ZSWIM5: variants seen among roughly 807,000 people sequenced by gnomAD.
The protein encoded by ZSWIM5 is zinc finger SWIM-type containing 5, also known as zinc finger SWIM domain-containing protein 5.
ZSWIM5 carries 55 observed loss-of-function variants against 119.6 expected under a neutral mutation model. The ratio of observed to expected loss-of-function variants is 0.46; its 90% CI spans 0.37 to 0.58. The LOEUF is 0.58. Ranked by LOEUF, ZSWIM5 falls within the 20% of genes least tolerant of loss-of-function variation. ZSWIM5 has a pLI of 0.00. For synonymous variants in ZSWIM5, 537 were observed against 606.9 expected (o/e 0.88, Z 1.69); for missense variants, 1,193 against 1,512.8 (o/e 0.79, Z 3.51).
intron 1 of ZSWIM5, among the ~76,000 whole-genome samples, chr1:45,113,202 C>A (rs571626638): frequency 6.6e-6 from 1 of 152,166 alleles, no homozygotes; most frequent in East Asian, 1.9e-4. Flanking sequence ...ATCACCAGCA[C>A]TGTAATGTGG....
chr1:45,196,114 G>A (rs1198419271), intron 1 of ZSWIM5, among the ~76,000 whole-genome samples: 1 of 145,814 alleles, frequency 6.9e-6, no homozygotes, highest in African/African-American at 2.5e-5. Flanking sequence ...GGGCTCAAGT[G>A]ATCCTCCTGT....
chr1:45,035,873 C>A (rs537079715), intron 9 of ZSWIM5, 50 bp from the exon 10 acceptor site: 1 of 1,602,984 alleles, frequency 6.2e-7, no homozygotes, highest in East Asian at 2.2e-5. Context: ...TTCCATCTGC[C>A]AGCCTGGACT....
intron 1 of ZSWIM5, 131 bp downstream of exon 1, chr1:45,205,625 C>A: frequency 1.0e-6 from 1 of 999,036 alleles, no homozygotes; most frequent in South Asian, 2.0e-5. Context: ...GTTTTTGTGA[C>A]TTGTTCGTCC....
In ZSWIM5 at chr1:45,034,256, C is replaced by T. The variant is rs200574762; in HGVS notation, c.2449+56G>A. 3.8e-4 allele frequency: 573 copies of T among 1,519,192 alleles called. 4 individuals are homozygous for T. The highest frequency in any genetic ancestry group is 3.1e-3 in the Middle Eastern group (13 of 4,128). 94.1% of individuals were successfully genotyped at this position (1,519,192 alleles called of 1,614,324 possible). A position where few individuals can be genotyped will look rare whatever the true frequency, so the allele number is the denominator to read the frequency against. On this transcript the variant is annotated intron_variant, in intron 11 of 13. Transcript: ENST00000359600. ...GACTGCAGGCCAAGCCTTTGACATG[C>T]CATGGTTGGGCAGGCAGACGGGTGA...
At chr1:45,064,302 T>G (rs567164346) in intron 2 of ZSWIM5, among the ~76,000 whole-genome samples, 1 of 152,360 alleles carries the variant, frequency 6.6e-6, no homozygotes, top group South Asian at 2.1e-4. Context: ...TCTTGCACCT[T>G]GTTTTACATT....
intron 11 of ZSWIM5, among the ~76,000 whole-genome samples, chr1:45,031,730 C>G (rs1253528523): frequency 6.6e-6 from 1 of 151,382 alleles, no homozygotes; most frequent in Admixed American, 6.6e-5. Flanking sequence ...GTCCCAGCTA[C>G]TCGGGAGGCG....
chr1:45,038,835 A>G (rs539441744), intron 8 of ZSWIM5, 101 bp downstream of exon 8: 4 of 1,437,376 alleles, frequency 2.8e-6, no homozygotes, highest in East Asian at 2.4e-5. Context: ...AACTCAAGTA[A>G]TCCACCCACC....
At chr1:45,089,419 A>G (rs1645350877) in intron 1 of ZSWIM5, among the ~76,000 whole-genome samples, 1 of 152,228 alleles carries the variant, frequency 6.6e-6, no homozygotes, top group Admixed American at 6.5e-5. Context: ...AAAAGAAGAT[A>G]TTTGTGAAGC....
At chr1:45,085,524 G>GTTTTTTTTTTTT (rs1387910637) in intron 2 of ZSWIM5, among the ~76,000 whole-genome samples, 2 of 128,946 alleles carry the variant, frequency 1.6e-5, no homozygotes, top group African/African-American at 5.8e-5. Flanking sequence ...AGGTTAGTTT[G>GTTTTTTTTTTTT]TTTGTTTTTT....
chr1:45,201,396 A>G (rs1027679381), intron 1 of ZSWIM5, among the ~76,000 whole-genome samples: 3 of 152,248 alleles, frequency 2.0e-5, no homozygotes, highest in Middle Eastern at 3.4e-3. Flanking sequence ...CAATGCATTG[A>G]TTTTTAAAAA....
At chr1:45,200,617 G>A (rs1019128235) in intron 1 of ZSWIM5, among the ~76,000 whole-genome samples, 1 of 151,900 alleles carries the variant, frequency 6.6e-6, no homozygotes, top group Admixed American at 6.6e-5. Context: ...TGTATACCAT[G>A]AGTGCTATAT....
chr1:45,130,538 A>C lies in ZSWIM5; in HGVS notation c.596-42301T>G, dbSNP rs1645649905. Among the ~76,000 whole-genome samples the C allele has an allele frequency of 3.9e-5, 6 of 152,154 alleles. No individual in the cohort carries two copies. The South Asian group carries it at 1.2e-3, about 32-fold the overall frequency. ...AAAAACAAATTAAAACCACAATGAG[A>C]TATCACAACACACCTATCAGAATGG... is the stretch of plus-strand genomic sequence containing the variant. On this transcript the variant is annotated intron_variant, in intron 1 of 13. Coordinates refer to ENST00000359600, the MANE Select transcript of ZSWIM5 (RefSeq NM_020883.2).
intron 1 of ZSWIM5, among the ~76,000 whole-genome samples, chr1:45,179,241 C>T (rs1032212738): frequency 2.0e-5 from 3 of 152,040 alleles, no homozygotes; most frequent in African/African-American, 7.2e-5. Flanking sequence ...AAATGAGGTA[C>T]ATCCCATGGT....
rs770156312 is a variant in ZSWIM5 at position 45,034,370 on chromosome 1, A to G, written c.2391T>C (p.Leu797=). ...CACACTGCTGTGATTCCAAGTGTCC[A>G]AGCGTGAACCAGCGAGGATAACGGC... ...VPSRYPRWFT[L]GHLESQQCEL... The change falls in exon 11 of 14, where the codon CTT becomes CTC. Residue 797 remains leucine, a synonymous_variant. Transcript: ENST00000359600. 7 of 1,614,020 alleles carry G rather than the reference A, an allele frequency of 4.3e-6. No individual in the cohort carries two copies. The South Asian group carries it at 7.7e-5, about 18-fold the overall frequency.
chr1:45,067,477 C>T (rs1450687146), intron 2 of ZSWIM5, among the ~76,000 whole-genome samples: 1 of 149,566 alleles, frequency 6.7e-6, no homozygotes, highest in Non-Finnish European at 1.5e-5. Context: ...GAAAGAAATA[C>T]ATTTGTGTGT....
chr1:45,113,908 C>T (rs1035440092), intron 1 of ZSWIM5, among the ~76,000 whole-genome samples: 1 of 152,192 alleles, frequency 6.6e-6, no homozygotes, highest in Admixed American at 6.5e-5. Context: ...TAATGTTGAA[C>T]CTTGCTTAGT....
At chr1:45,155,301 A>G (rs1201855618) in intron 1 of ZSWIM5, among the ~76,000 whole-genome samples, 1 of 152,200 alleles carries the variant, frequency 6.6e-6, no homozygotes, top group Non-Finnish European at 1.5e-5. Flanking sequence ...ATTATCAGAA[A>G]AATGCAAATC....
chr1:45,043,114 T>C, intron 6 of ZSWIM5, 105 bp downstream of exon 6: 1 of 1,161,914 alleles, frequency 8.6e-7, no homozygotes, highest in Non-Finnish European at 1.2e-6. Flanking sequence ...GTGTGAAAAC[T>C]GTCCAAATTG....
intron 1 of ZSWIM5, among the ~76,000 whole-genome samples, chr1:45,192,662 T>G (rs573230592): frequency 9.8e-5 from 15 of 152,328 alleles, no homozygotes; most frequent in Non-Finnish European, 1.8e-4. Context: ...TCAATTATTT[T>G]GGTTATACAA....
Sources: allele counts gnomAD v4.1 joint callset (sites outside exome capture counted in the v4.1 genomes callset), GRCh38; gene constraint gnomAD v4.1.1; transcripts MANE v1.5; gene names NCBI Gene and HGNC (gene_info 2026-07-23, HGNC 2026-07-21).